EYS: variants seen among roughly 807,000 people sequenced by gnomAD.
EYS encodes EGF-like photoreceptor maintenance factor.
Under a neutral mutation model 282.1 loss-of-function variants are expected in EYS, and 250 were observed. The observed-to-expected ratio is 0.89, with a 90% CI of 0.80 to 0.98. The LOEUF (loss-of-function observed/expected upper bound fraction) is 0.98. Ranked by LOEUF, EYS falls within the 50% of genes least tolerant of loss-of-function variation. The pLI, the probability that EYS is intolerant of heterozygous loss-of-function variation, is 0.00. For missense variants in EYS, 4,016 were observed against 3,709.0 expected, an observed-to-expected ratio of 1.08 and a Z score of -2.15; for synonymous variants, 1,355 against 1,282.9, an observed-to-expected ratio of 1.06 and a Z score of -1.20.
intron 12 of EYS, among the ~76,000 whole-genome samples, chr6:65,067,068 T>A (rs1355502632): frequency 6.6e-6 from 1 of 152,144 alleles, no homozygotes; most frequent in Admixed American, 6.6e-5. Context: ...AGATATCTGC[T>A]ATTCTTAATA....
intron 2 of EYS, among the ~76,000 whole-genome samples, chr6:65,631,984 TA>T (rs2149808584): frequency 6.6e-6 from 1 of 152,330 alleles, no homozygotes; most frequent in East Asian, 1.9e-4. Context: ...TCTCCTACTT[TA>T]TATATGAGGA....
chr6:65,382,229 T>G (rs1044158385), intron 8 of EYS, among the ~76,000 whole-genome samples: 1 of 150,930 alleles, frequency 6.6e-6, no homozygotes, highest in African/African-American at 2.4e-5. Flanking sequence ...TTTTTTTTTT[T>G]TTTGCTCCAT....
chr6:65,652,817 A>G (rs1767701528), intron 1 of EYS, among the ~76,000 whole-genome samples: 1 of 152,000 alleles, frequency 6.6e-6, no homozygotes, highest in African/African-American at 2.4e-5. Flanking sequence ...TTAATGAATC[A>G]TGAGATTGTA....
intron 5 of EYS, among the ~76,000 whole-genome samples, chr6:65,472,190 T>C (rs2127242032): frequency 6.6e-6 from 1 of 152,184 alleles, no homozygotes; most frequent in Admixed American, 6.5e-5. Context: ...AAGATCCATA[T>C]AAAGAAGTGT....
chr6:65,062,113 A>G (rs1271364161), intron 12 of EYS, among the ~76,000 whole-genome samples: 1 of 151,890 alleles, frequency 6.6e-6, no homozygotes, highest in Non-Finnish European at 1.5e-5. Flanking sequence ...CCTCTACATG[A>G]CAGACTCCCA....
intron 2 of EYS, among the ~76,000 whole-genome samples, chr6:65,620,588 C>G (rs10944823): frequency 0.36 from 53,246 of 149,818 alleles, 11,746 homozygotes; most frequent in Non-Finnish European, 0.49. Flanking sequence ...TTCTTGCCTT[C>G]TGCTAGCTTT....
chr6:63,755,697 A>G (rs1241981888), intron 41 of EYS, among the ~76,000 whole-genome samples: 1 of 152,182 alleles, frequency 6.6e-6, no homozygotes, highest in East Asian at 1.9e-4. Context: ...TGGGGATAGC[A>G]TTGAGTCCAT....
intron 19 of EYS, among the ~76,000 whole-genome samples, chr6:64,848,135 C>A (rs9345555): frequency 0.71 from 107,839 of 151,860 alleles, 38,675 homozygotes; most frequent in Admixed American, 0.76. Flanking sequence ...TTCCTGAACA[C>A]ATGCTGATCT....
At chr6:63,822,206 C>G (rs564656521) in intron 36 of EYS, 2 of 152,200 alleles carry the variant, frequency 1.3e-5, no homozygotes, top group Non-Finnish European at 2.9e-5. Flanking sequence ...CTCCTCTTCT[C>G]GAGTTCAAAT....
intron 19 of EYS, among the ~76,000 whole-genome samples, chr6:64,853,097 G>C (rs188648998): frequency 2.3e-4 from 35 of 152,178 alleles, no homozygotes; most frequent in Non-Finnish European, 4.6e-4. Context: ...TAAATGTGTA[G>C]AGTTCAGTTG....
At chr6:65,275,770 G>T (rs1028862989) in intron 12 of EYS, among the ~76,000 whole-genome samples, 1 of 152,104 alleles carries the variant, frequency 6.6e-6, no homozygotes, top group South Asian at 2.1e-4. Flanking sequence ...ATTCCCCAGG[G>T]TGATCAGCCA....
intron 2 of EYS, among the ~76,000 whole-genome samples, chr6:65,564,919 A>C (rs1769215504): frequency 6.7e-6 from 1 of 148,256 alleles, no homozygotes; most frequent in Non-Finnish European, 1.5e-5. Flanking sequence ...AGGAACTTAA[A>C]CAAATTTAAA....
intron 8 of EYS, among the ~76,000 whole-genome samples, chr6:65,355,396 C>T: frequency 1.1e-5 from 1 of 89,720 alleles, no homozygotes; most frequent in South Asian, 4.2e-4. Flanking sequence ...ATATCCTCTT[C>T]TGGACACTGG....
chr6:64,970,660 A>T (rs1296603840), intron 14 of EYS, among the ~76,000 whole-genome samples: 1 of 152,218 alleles, frequency 6.6e-6, no homozygotes, highest in Non-Finnish European at 1.5e-5. Flanking sequence ...AAGTTCTTAT[A>T]GATTTTTCTT....
intron 19 of EYS, among the ~76,000 whole-genome samples, chr6:64,878,744 A>T (rs577419456): frequency 6.7e-6 from 1 of 150,064 alleles, no homozygotes; most frequent in Non-Finnish European, 1.5e-5. Flanking sequence ...GGCTGGGAAC[A>T]TGGGAAATAA....
In EYS at chr6:65,375,305, A is replaced by T. The variant is rs566971021; in HGVS notation, c.1299+9081T>A. Among the ~76,000 whole-genome samples the T allele has an allele frequency of 8.5e-5, 13 of 152,298 alleles. No homozygotes were observed. In the South Asian group the frequency reaches 2.7e-3, roughly 32 times the overall value. On this transcript the variant is annotated intron_variant, in intron 8 of 42. Transcript: ENST00000503581. ...TGCAGAAGAGGGGCCTGACCATCAG[A>T]AGAAAAACCAACAAACAGCAAGCAA... is the stretch of plus-strand genomic sequence containing the variant.
intron 12 of EYS, among the ~76,000 whole-genome samples, chr6:65,285,521 A>C (rs1386476358): frequency 6.6e-6 from 1 of 152,028 alleles, no homozygotes; most frequent in East Asian, 1.9e-4. Flanking sequence ...TCTTTTAAGA[A>C]GTGCCCTAAC....
In EYS at chr6:65,605,246, A is replaced by G. The variant is rs567968192; in HGVS notation, c.-333+34532T>C. On this transcript the variant is annotated intron_variant, in intron 2 of 42. Coordinates refer to ENST00000503581, the MANE Select transcript of EYS (RefSeq NM_001142800.2). ...CAATTGAATACCAATTAAAAATTGCATTGACATGAATGGTATCAACAAAAA... is the reference window on the plus strand; with the variant it reads ...CAATTGAATACCAATTAAAAATTGCGTTGACATGAATGGTATCAACAAAAA... Among the ~76,000 whole-genome samples the G allele has an allele frequency of 1.2e-4, 19 of 152,120 alleles. 1 individual carries two copies. Among genetic ancestry groups the G allele is most frequent in the African/African-American group, 4.1e-4 (17 of 41,534 alleles).
intron 12 of EYS, among the ~76,000 whole-genome samples, chr6:65,180,987 GA>G (rs1208394226): frequency 1.3e-5 from 2 of 152,104 alleles, no homozygotes; most frequent in Non-Finnish European, 2.9e-5. Context: ...ATGGTGCCGG[GA>G]AAACTGGCTA....
Sources: gnomAD v4.1 joint callset for allele counts (sites outside exome capture counted in the v4.1 genomes callset) on GRCh38, gnomAD v4.1.1 for gene constraint, MANE v1.5 for transcripts, NCBI Gene and HGNC (gene_info 2026-07-23, HGNC 2026-07-21) for gene names.